The following ATP6V0D1 variants were observed in gnomAD, a reference collection of about 807,000 sequenced individuals.
The protein encoded by ATP6V0D1 is ATPase H+ transporting V0 subunit d1.
Under a neutral mutation model 39.0 loss-of-function variants are expected in ATP6V0D1, and 13 were observed. The ratio of observed to expected loss-of-function variants is 0.33; its 90% confidence interval spans 0.22 to 0.53. ATP6V0D1 has a LOEUF of 0.53. Ranked by LOEUF, ATP6V0D1 falls within the 20% of genes least tolerant of loss-of-function variation. ATP6V0D1 has a pLI of 0.94. For missense variants in ATP6V0D1, 272 were observed against 470.9 expected (o/e 0.58, Z 3.91); for synonymous variants, 191 against 191.2 (o/e 1.00, Z 0.01).
At position 67,438,890 on chromosome 16, in the gene ATP6V0D1, GAAGCAC is replaced by G; in HGVS notation, c.817-26_817-21del. The G allele has an allele frequency of 6.3e-7, 1 of 1,591,854 alleles. No individual in the cohort carries two copies. On this transcript the variant is annotated intron_variant, in intron 6 of 7. Coordinates refer to ENST00000290949, the MANE Select transcript of ATP6V0D1 (RefSeq NM_004691.5). Reference sequence around the variant, plus strand: ...GTACTCCTGGCCAGGGGGGTGGGGGGAAGCACAAGCATGAGGGTTCTGGGTGGGGGT... The same window carrying G: ...GTACTCCTGGCCAGGGGGGTGGGGGGAAGCATGAGGGTTCTGGGTGGGGGT...
rs375413527 is a variant in ATP6V0D1 at position 67,481,129 on chromosome 16, G to C, written c.-43C>G. ...CGGGACCGGAGAACCAGGACCGGCCGGCACGAATCGCGACTCCCCAGGTCA... is the reference window on the plus strand; with the variant it reads ...CGGGACCGGAGAACCAGGACCGGCCCGCACGAATCGCGACTCCCCAGGTCA... On this transcript the variant is annotated 5_prime_UTR_variant, in exon 1 of 8. Transcript: ENST00000290949. 6.2e-7 allele frequency: 1 copy of C among 1,610,996 alleles called. No homozygotes were observed.
rs1401748177 is a variant in ATP6V0D1, at chr16:67,478,411, G to A, written c.130+2546C>T. Among the ~76,000 whole-genome samples, 6 of 152,052 alleles carry A rather than the reference G, an allele frequency of 3.9e-5. No homozygotes were observed. The East Asian group carries it at 5.8e-4, about 15-fold the overall frequency. On this transcript the variant is annotated intron_variant, in intron 1 of 7. Transcript: ENST00000290949. Reference sequence around the variant, plus strand: ...GTGGATCACTTGAGGTCAGGAGTTCGAGACCAGCCTGGCCAATATGGCAAA... The same window carrying A: ...GTGGATCACTTGAGGTCAGGAGTTCAAGACCAGCCTGGCCAATATGGCAAA...
chr16:67,478,728 A>T (rs1368086782), intron 1 of ATP6V0D1, among the ~76,000 whole-genome samples: 1 of 11,542 alleles, frequency 8.7e-5, no homozygotes, highest in Non-Finnish European at 1.6e-4. Context: ...AGAGGGCGGG[A>T]GGGTGGGTGC....
chr16:67,449,399 A>G (rs2041152281), intron 2 of ATP6V0D1, among the ~76,000 whole-genome samples: 1 of 152,240 alleles, frequency 6.6e-6, no homozygotes, highest in Non-Finnish European at 1.5e-5. Context: ...CCCAGATCAA[A>G]GTCCCCTCCA....
At chr16:67,452,209 C>T in intron 2 of ATP6V0D1, 1 of 1,533,074 alleles carries the variant, frequency 6.5e-7, no homozygotes, top group South Asian at 1.2e-5. Context: ...TTACCAGCCT[C>T]CTGCCCCAGT....
intron 2 of ATP6V0D1, among the ~76,000 whole-genome samples, chr16:67,449,313 C>T (rs1331051263): frequency 6.6e-6 from 1 of 152,180 alleles, no homozygotes; most frequent in Non-Finnish European, 1.5e-5. Context: ...CCCCAGAGGC[C>T]GCACTCACTC....
chr16:67,466,875 A>T (rs2041335019), intron 1 of ATP6V0D1, among the ~76,000 whole-genome samples: 2 of 152,150 alleles, frequency 1.3e-5, no homozygotes, highest in Non-Finnish European at 2.9e-5. Flanking sequence ...GACCACACAG[A>T]CCTGAGTCGG....
intron 1 of ATP6V0D1, among the ~76,000 whole-genome samples, chr16:67,467,341 C>T (rs8055527): frequency 0.1 from 15,207 of 152,182 alleles, 1,351 homozygotes; most frequent in African/African-American, 0.24. Context: ...CCCGTCTCTA[C>T]TAAAAAGACA....
chr16:67,464,034 G>A (rs985026536), intron 1 of ATP6V0D1, among the ~76,000 whole-genome samples: 1 of 152,224 alleles, frequency 6.6e-6, no homozygotes, highest in Non-Finnish European at 1.5e-5. Flanking sequence ...ATGGTATCTA[G>A]TTTGAAGGTT....
At position 67,438,432 on chromosome 16, in the gene ATP6V0D1, G is replaced by A; in HGVS notation, c.*96C>T. 6.9e-7 allele frequency: 1 copy of A among 1,455,108 alleles called. No homozygotes were observed. Among genetic ancestry groups the A allele is most frequent in the Non-Finnish European group, 9.3e-7 (1 of 1,074,264 alleles). 90.1% of individuals were successfully genotyped at this position (1,455,108 alleles called of 1,614,324 possible). On this transcript the variant is annotated 3_prime_UTR_variant, in exon 8 of 8. Transcript: ENST00000290949. ...ACCCCGGACAGGCAGGTGAGCCACA[G>A]GCTTGTCACAGACCACATACACACA...
intron 1 of ATP6V0D1, among the ~76,000 whole-genome samples, chr16:67,480,396 C>T (rs1267378843): frequency 6.6e-6 from 1 of 152,132 alleles, no homozygotes; most frequent in Non-Finnish European, 1.5e-5. Flanking sequence ...CCCTTGTTCT[C>T]CCAAACATTG....
In ATP6V0D1 at chr16:67,442,543, G is replaced by A. The variant is rs77661542; in HGVS notation, c.561+556C>T. Among the ~76,000 whole-genome samples, 927 of 151,530 alleles carry A rather than the reference G, an allele frequency of 6.1e-3. 7 individuals are homozygous for A. Among genetic ancestry groups the A allele is most frequent in the African/African-American group, 0.021 (863 of 41,214 alleles). ...TTTGGGCCAGGGTAGTGCTGACCCA[G>A]AAATCCTCAGGGGTTGCCCAGTCTA... is the stretch of plus-strand genomic sequence containing the variant. On this transcript the variant is annotated intron_variant, in intron 4 of 7. Coordinates refer to ENST00000290949, the MANE Select transcript of ATP6V0D1 (RefSeq NM_004691.5).
chr16:67,438,053 G>A lies in ATP6V0D1; in HGVS notation c.*475C>T, dbSNP rs1053293. 0.079 allele frequency: 13,634 copies of A among 172,230 alleles called. 897 individuals are homozygous for A. Among genetic ancestry groups the A allele is most frequent in the African/African-American group, 0.19 (7,924 of 41,698 alleles). The allele number at this position is 172,230 out of a possible 1,614,324, so 10.7% of individuals were successfully genotyped here. ...GAGAGGGCAGTTTTATTGTCTCAGA[G>A]GGGCAGGGCTGAGGGAGGGAGCTGA... On this transcript the variant is annotated 3_prime_UTR_variant, in exon 8 of 8. Coordinates refer to ENST00000290949, the MANE Select transcript of ATP6V0D1 (RefSeq NM_004691.5).
chr16:67,463,822 C>T (rs886512226), intron 1 of ATP6V0D1, among the ~76,000 whole-genome samples: 21 of 150,148 alleles, frequency 1.4e-4, no homozygotes, highest in Middle Eastern at 3.4e-3. Flanking sequence ...GGGACAGGTG[C>T]GGGGGCAACA....
rs2041471754 is a variant in ATP6V0D1, at chr16:67,481,098, G to A, written c.-12C>T. On this transcript the variant is annotated 5_prime_UTR_variant, in exon 1 of 8. Transcript: ENST00000290949. Reference sequence around the variant, plus strand: ...GGGAAGAACGACATGGCTGCTGCGGGAGCGGCGGGACCGGAGAACCAGGAC... The same window carrying A: ...GGGAAGAACGACATGGCTGCTGCGGAAGCGGCGGGACCGGAGAACCAGGAC... 6.2e-7 allele frequency: 1 copy of A among 1,613,772 alleles called. No homozygotes were observed. Among genetic ancestry groups the A allele is most frequent in the Non-Finnish European group, 8.5e-7 (1 of 1,179,750 alleles).
intron 2 of ATP6V0D1, among the ~76,000 whole-genome samples, chr16:67,448,507 A>G (rs1233833001): frequency 6.6e-6 from 1 of 151,880 alleles, no homozygotes; most frequent in African/African-American, 2.4e-5. Context: ...TAAAAATACA[A>G]AAATTAGTCG....
intron 1 of ATP6V0D1, among the ~76,000 whole-genome samples, chr16:67,458,538 C>A (rs940841218): frequency 6.6e-6 from 1 of 152,192 alleles, no homozygotes; most frequent in East Asian, 1.9e-4. Context: ...AGTGTTCTGG[C>A]TAGCACAGAC....
At position 67,438,473 on chromosome 16, in the gene ATP6V0D1, GCACACA is replaced by G. The variant is rs145078546; in HGVS notation, c.*49_*54del. On this transcript the variant is annotated 3_prime_UTR_variant, in exon 8 of 8. Coordinates refer to ENST00000290949, the MANE Select transcript of ATP6V0D1 (RefSeq NM_004691.5). ...CATACACACACACGCACACACACGC[GCACACA>G]CACACACACACACACAAAGAGTGCA... 5.0e-5 allele frequency: 67 copies of G among 1,341,356 alleles called. No homozygotes were observed. Among genetic ancestry groups the G allele is most frequent in the African/African-American group, 2.2e-4 (15 of 68,916 alleles). The allele number at this position is 1,341,356 out of a possible 1,614,324, so 83.1% of individuals were successfully genotyped here. A position where few individuals can be genotyped will look rare whatever the true frequency, so the allele number is the denominator to read the frequency against.
At chr16:67,470,639 G>A (rs1457174657) in intron 1 of ATP6V0D1, among the ~76,000 whole-genome samples, 1 of 152,162 alleles carries the variant, frequency 6.6e-6, no homozygotes, top group Non-Finnish European at 1.5e-5. Context: ...GTGTACTGGT[G>A]ACTTCCAGGT....
Sources: gnomAD v4.1 joint callset for allele counts (sites outside exome capture counted in the v4.1 genomes callset) on GRCh38, gnomAD v4.1.1 for gene constraint, MANE v1.5 for transcripts, NCBI Gene and HGNC (gene_info 2026-07-23, HGNC 2026-07-21) for gene names.